The following PGM5 variants were observed in gnomAD, a reference collection of about 807,000 sequenced individuals.
PGM5 encodes the protein phosphoglucomutase-like protein 5.
PGM5 carries 23 observed loss-of-function variants against 59.2 expected under a neutral mutation model. That is an observed-to-expected ratio of 0.39 (90% confidence interval 0.28 to 0.55). PGM5 has a LOEUF of 0.55. Ranked by LOEUF, PGM5 falls within the 20% of genes least tolerant of loss-of-function variation. The pLI is 0.66. For synonymous variants in PGM5, 214 were observed against 286.0 expected, an observed-to-expected ratio of 0.75 and a Z score of 2.54; for missense variants, 574 against 748.3, an observed-to-expected ratio of 0.77 and a Z score of 2.72.
At chr9:68,361,932 C>T (rs1834587565) in intron 1 of PGM5, among the ~76,000 whole-genome samples, 1 of 151,926 alleles carries the variant, frequency 6.6e-6, no homozygotes, top group Admixed American at 6.6e-5. Context: ...TGCCTATCTC[C>T]TCTGTTATAT....
chr9:68,514,516 C>T (rs148000036), intron 10 of PGM5, among the ~76,000 whole-genome samples: 2,554 of 152,202 alleles, frequency 0.017, 54 homozygotes, highest in African/African-American at 0.049. Flanking sequence ...GCAGGAGAAT[C>T]GCTTGAACCT....
chr9:68,526,849 C>A (rs1824982508), intron 10 of PGM5, among the ~76,000 whole-genome samples: 1 of 152,176 alleles, frequency 6.6e-6, no homozygotes, highest in African/African-American at 2.4e-5. Context: ...GAAAAAAAGT[C>A]TTCTTATTTG....
intron 6 of PGM5, among the ~76,000 whole-genome samples, chr9:68,452,537 G>A (rs577055391): frequency 2.6e-5 from 4 of 152,252 alleles, no homozygotes; most frequent in East Asian, 3.9e-4. Flanking sequence ...AGAGAGGATC[G>A]GTCTCAGTGC....
At chr9:68,488,711 A>G (rs1554687711) in intron 9 of PGM5, among the ~76,000 whole-genome samples, 1 of 149,742 alleles carries the variant, frequency 6.7e-6, no homozygotes, top group East Asian at 2.0e-4. Flanking sequence ...CCCAAGAGAG[A>G]CTCTGTTTGA....
chr9:68,357,185 C>G lies in PGM5; in HGVS notation c.58C>G (p.Arg20Gly). The change falls in exon 1 of 11, where the codon CGG (arginine) becomes GGG (glycine). Residue 20 changes from arginine to glycine, a missense_variant. By Grantham distance (125) the Arg-to-Gly change is moderately radical. Around this residue, in one of 7 missense-constraint regions of PGM5, gnomAD observed 60 missense variants for 71.0 expected, o/e 0.85. Coordinates refer to ENST00000396396, the MANE Select transcript of PGM5 (RefSeq NM_021965.4). ...GCCCACCGCGCCCTACGAGGACCAG[C>G]GGCCGGCCGGCGGCGGGGGTCTGCG... ...TVPTAPYEDQ[R>G]PAGGGGLRRP... is the part of the protein sequence containing the mutation. The G allele has an allele frequency of 6.5e-7, 1 of 1,539,118 alleles. No homozygotes were observed. The highest frequency in any genetic ancestry group is 8.7e-7 in the Non-Finnish European group (1 of 1,145,668).
intron 1 of PGM5, among the ~76,000 whole-genome samples, chr9:68,360,194 A>G (rs1834550226): frequency 6.6e-6 from 1 of 152,202 alleles, no homozygotes; most frequent in Non-Finnish European, 1.5e-5. Context: ...GCTGGAGAAG[A>G]AAAACATGGC....
chr9:68,491,880 T>C (rs1212264087), intron 9 of PGM5, among the ~76,000 whole-genome samples: 1 of 152,186 alleles, frequency 6.6e-6, no homozygotes, highest in Non-Finnish European at 1.5e-5. Context: ...AGGGAGACCC[T>C]GTTTCTGGTT....
intron 1 of PGM5, among the ~76,000 whole-genome samples, chr9:68,360,720 G>A (rs1305562777): frequency 5.3e-5 from 8 of 152,046 alleles, no homozygotes; most frequent in Middle Eastern, 3.2e-3. Flanking sequence ...CTATATTTGT[G>A]TCATGATTAT....
Position 68,357,066 on chromosome 9 carries a change from C to G in PGM5, c.-62C>G. Reference sequence around the variant, plus strand: ...GCGCGCAGCCAGGCTGGTGGAGGCCCCCGGCAGGCTGCAGATTCCCTCCGG... The same window carrying G: ...GCGCGCAGCCAGGCTGGTGGAGGCCGCCGGCAGGCTGCAGATTCCCTCCGG... On this transcript the variant is annotated 5_prime_UTR_variant, in exon 1 of 11. Transcript: ENST00000396396. 7.1e-7 allele frequency: 1 copy of G among 1,406,604 alleles called. No individual in the cohort carries two copies. The highest frequency in any genetic ancestry group is 9.2e-7 in the Non-Finnish European group (1 of 1,085,750). The allele number at this position is 1,406,604 out of a possible 1,614,324, so 87.1% of individuals were successfully genotyped here.
intron 6 of PGM5, chr9:68,397,977 T>C (rs1338948140): frequency 2.0e-5 from 3 of 152,250 alleles, no homozygotes; most frequent in Non-Finnish European, 2.9e-5. Flanking sequence ...CAGCTGATCG[T>C]TGGAATCCAG....
In PGM5 at chr9:68,529,699, C is replaced by A. The variant is rs569265594; in HGVS notation, c.*43C>A. ...CACCAGGGCCAAAGAGAGTGCTCAG[C>A]GGGAGATGCTTCACTGATGCCTTCT... On this transcript the variant is annotated 3_prime_UTR_variant, in exon 11 of 11. Transcript: ENST00000396396. The A allele has an allele frequency of 1.8e-6, 2 of 1,130,072 alleles. No individual in the cohort carries two copies. Among genetic ancestry groups the A allele is most frequent in the Admixed American group, 2.6e-5 (1 of 38,812 alleles). The allele number at this position is 1,130,072 out of a possible 1,614,324, so 70.0% of individuals were successfully genotyped here.
intron 6 of PGM5, chr9:68,398,469 G>A (rs1822572037): frequency 6.6e-6 from 1 of 152,280 alleles, no homozygotes; most frequent in Non-Finnish European, 1.5e-5. Context: ...GCAGGAAGCT[G>A]TTAACACCCC....
chr9:68,411,488 G>GTA (rs782604420), intron 6 of PGM5, among the ~76,000 whole-genome samples: 141 of 140,720 alleles, frequency 1.0e-3, no homozygotes, highest in African/African-American at 3.6e-3. Flanking sequence ...GTGTGTGTGT[G>GTA]TATATATATA....
Position 68,494,812 on chromosome 9 carries a change from A to G in PGM5, c.1480-4415A>G, listed in dbSNP as rs4745048. Among the ~76,000 whole-genome samples, 635 of 152,320 alleles carry G rather than the reference A, an allele frequency of 4.2e-3. 17 individuals are homozygous for G. Among genetic ancestry groups the G allele is most frequent in the Admixed American group, 0.036 (558 of 15,288 alleles). ...ATGATGCTATGCCAGGCACTTTCTT[A>G]GTTTATCTTTTGCAACCACTCTTCA... On this transcript the variant is annotated intron_variant, in intron 9 of 10. Coordinates refer to ENST00000396396, the MANE Select transcript of PGM5 (RefSeq NM_021965.4).
At chr9:68,392,035 A>G (rs1284922312) in intron 5 of PGM5, among the ~76,000 whole-genome samples, 2 of 152,122 alleles carry the variant, frequency 1.3e-5, no homozygotes, top group East Asian at 1.9e-4. Flanking sequence ...TTCTGCAAGA[A>G]CCAGTGTTCT....
chr9:68,468,475 G>A (rs1051681817), intron 7 of PGM5, among the ~76,000 whole-genome samples: 1 of 152,150 alleles, frequency 6.6e-6, no homozygotes, highest in African/African-American at 2.4e-5. Context: ...TCCAATTAAA[G>A]GGGTAAATAT....
intron 2 of PGM5, among the ~76,000 whole-genome samples, chr9:68,380,263 G>A (rs1162155459): frequency 6.6e-6 from 1 of 152,006 alleles, no homozygotes; most frequent in African/African-American, 2.4e-5. Context: ...CAACCACAAT[G>A]GTGTGAAGCT....
chr9:68,523,987 G>T (rs1336541314), intron 10 of PGM5, among the ~76,000 whole-genome samples: 1 of 151,686 alleles, frequency 6.6e-6, no homozygotes, highest in Non-Finnish European at 1.5e-5. Flanking sequence ...AGTTTGTTAG[G>T]GTTGTTTTTT....
intron 4 of PGM5, among the ~76,000 whole-genome samples, chr9:68,390,664 G>A (rs557489696): frequency 1.1e-3 from 161 of 152,032 alleles, no homozygotes; most frequent in African/African-American, 3.7e-3. Flanking sequence ...CTGTTCCACA[G>A]ATGTGCCTTA....
Sources: gnomAD v4.1 joint callset for allele counts (sites outside exome capture counted in the v4.1 genomes callset) on GRCh38, gnomAD v4.1.1 for gene constraint, gnomAD v4.1.1 regional missense constraint, MANE v1.5 for transcripts, NCBI Gene and HGNC (gene_info 2026-07-23, HGNC 2026-07-21) for gene names.